SGF29: variants seen among roughly 807,000 people sequenced by gnomAD.
The protein encoded by SGF29 is SAGA complex associated factor 29.
In SGF29, 15 loss-of-function variants were observed where a neutral mutation model predicts 38.1. That is an observed-to-expected ratio of 0.39 (90% CI 0.26 to 0.61). SGF29 has a LOEUF of 0.61. Ranked by LOEUF, SGF29 falls within the 20% of genes least tolerant of loss-of-function variation. The pLI is 0.49. For missense variants in SGF29, 184 were observed against 394.6 expected (o/e 0.47, Z 4.52); for synonymous variants, 151 against 160.8 (o/e 0.94, Z 0.46).
intron 1 of SGF29, 84 bp from the exon 2 acceptor site, chr16:28,580,971 G>A: frequency 9.8e-7 from 1 of 1,017,836 alleles, no homozygotes; most frequent in South Asian, 1.4e-5. Context: ...TGAGCCTCCA[G>A]GCCTAATGTA....
intron 1 of SGF29, among the ~76,000 whole-genome samples, chr16:28,567,432 A>T (rs2046841556): frequency 6.6e-6 from 1 of 152,238 alleles, no homozygotes; most frequent in African/African-American, 2.4e-5. Context: ...TCTGTTGTTT[A>T]TACATTCCCT....
At position 28,583,443 on chromosome 16, in the gene SGF29, A is replaced by G. The variant is rs76244300; in HGVS notation, c.76-1470A>G. On this transcript the variant is annotated intron_variant, in intron 2 of 9. Transcript: ENST00000317058. The stretch of plus-strand genomic sequence containing the variant: ...GGGTGGGGTTACACAGGTATGGACT[A>G]TTGGCTGTCTTGAGCACTAGGCAGC... Among the ~76,000 whole-genome samples, 667 of 152,282 alleles carry G rather than the reference A, an allele frequency of 4.4e-3. 7 individuals are homozygous for G. Among genetic ancestry groups the G allele is most frequent in the African/African-American group, 0.015 (625 of 41,556 alleles).
At chr16:28,583,790 C>T (rs545048127) in intron 2 of SGF29, among the ~76,000 whole-genome samples, 87 of 152,110 alleles carry the variant, frequency 5.7e-4, no homozygotes, top group Non-Finnish European at 1.0e-3. Context: ...ACCGTAGCTT[C>T]GTAATAAATT....
At chr16:28,586,177 G>A (rs2046955144) in intron 4 of SGF29, among the ~76,000 whole-genome samples, 1 of 152,206 alleles carries the variant, frequency 6.6e-6, no homozygotes, top group South Asian at 2.1e-4. Flanking sequence ...AAGCTTGGCT[G>A]GGAAGTCATA....
chr16:28,556,000 T>A (rs550540479), intron 1 of SGF29, among the ~76,000 whole-genome samples: 1 of 152,292 alleles, frequency 6.6e-6, no homozygotes, highest in South Asian at 2.1e-4. Context: ...TAGCATAACC[T>A]ATCTGAATTT....
At chr16:28,585,522 G>C in intron 3 of SGF29, 126 bp from the exon 4 acceptor site, 1 of 847,396 alleles carries the variant, frequency 1.2e-6, no homozygotes, top group East Asian at 2.6e-5. Flanking sequence ...TCCTGAGCCA[G>C]CAGAGCTCTG....
At chr16:28,566,975 A>T (rs2046839224) in intron 1 of SGF29, among the ~76,000 whole-genome samples, 1 of 152,110 alleles carries the variant, frequency 6.6e-6, no homozygotes, top group South Asian at 2.1e-4. Flanking sequence ...CCACCAGTTA[A>T]TTGGCTTTTA....
chr16:28,571,978 T>A (rs2046867596), intron 1 of SGF29, among the ~76,000 whole-genome samples: 1 of 152,196 alleles, frequency 6.6e-6, no homozygotes, highest in African/African-American at 2.4e-5. Flanking sequence ...CTTCTTTTTT[T>A]ATTTTTATTT....
intron 1 of SGF29, among the ~76,000 whole-genome samples, chr16:28,564,822 C>T (rs2046827106): frequency 7.0e-6 from 1 of 141,948 alleles, no homozygotes. Context: ...CACACACACA[C>T]ATATATATGA....
At chr16:28,570,514 A>G (rs2046858411) in intron 1 of SGF29, among the ~76,000 whole-genome samples, 1 of 152,004 alleles carries the variant, frequency 6.6e-6, no homozygotes, top group African/African-American at 2.4e-5. Flanking sequence ...AGTCTCACCC[A>G]TACCTGATTG....
intron 1 of SGF29, among the ~76,000 whole-genome samples, chr16:28,569,721 A>AG (rs1220676012): frequency 6.6e-6 from 1 of 152,186 alleles, no homozygotes; most frequent in Non-Finnish European, 1.5e-5. Context: ...TCCTTTGATA[A>AG]GGAGACTAGT....
intron 1 of SGF29, among the ~76,000 whole-genome samples, chr16:28,555,230 G>A (rs148852570): frequency 0.014 from 2,193 of 152,150 alleles, 21 homozygotes; most frequent in Non-Finnish European, 0.022. Context: ...TTGGGAGGCC[G>A]AGGTGGGCAG....
chr16:28,566,311 G>A (rs1392098733), intron 1 of SGF29, among the ~76,000 whole-genome samples: 1 of 151,762 alleles, frequency 6.6e-6, no homozygotes, highest in Non-Finnish European at 1.5e-5. Flanking sequence ...GAGGGTCTTA[G>A]GGGAACAGAA....
chr16:28,591,719 G>C lies in SGF29; in HGVS notation c.*13G>C, dbSNP rs748000173. On this transcript the variant is annotated 3_prime_UTR_variant, in exon 10 of 10. Transcript: ENST00000317058. Reference sequence around the variant, plus strand: ...CAAGAAAAAGTGATGCCGCCTGGCAGACTCGCCATCCCCCAACGACACAGG... The same window carrying C: ...CAAGAAAAAGTGATGCCGCCTGGCACACTCGCCATCCCCCAACGACACAGG... 6.3e-7 allele frequency: 1 copy of C among 1,584,880 alleles called. No homozygotes were observed. Among genetic ancestry groups the C allele is most frequent in the Non-Finnish European group, 8.7e-7 (1 of 1,153,548 alleles).
At chr16:28,586,560 G>GA (rs943793425) in intron 4 of SGF29, among the ~76,000 whole-genome samples, 4 of 151,508 alleles carry the variant, frequency 2.6e-5, no homozygotes, top group African/African-American at 9.7e-5. Flanking sequence ...CTGTTTCCTT[G>GA]AATCTCTGCA....
At chr16:28,564,696 T>TATATATATGTGTATATATAC (rs1567285920) in intron 1 of SGF29, among the ~76,000 whole-genome samples, 4 of 85,380 alleles carry the variant, frequency 4.7e-5, no homozygotes, top group African/African-American at 1.9e-4. Flanking sequence ...TGTATATATA[T>TATATATATGTGTATATATAC]GTATATATAT....
intron 1 of SGF29, among the ~76,000 whole-genome samples, chr16:28,556,751 C>T (rs1471058716): frequency 6.6e-6 from 1 of 152,112 alleles, no homozygotes; most frequent in Non-Finnish European, 1.5e-5. Flanking sequence ...TCAAGTGATC[C>T]TCCTGCCATA....
In SGF29 at chr16:28,591,552, G is replaced by A. The variant is rs2046991441; in HGVS notation, c.766-38G>A. The A allele has an allele frequency of 4.8e-6, 7 of 1,459,616 alleles. No homozygotes were observed. The East Asian group carries it at 1.4e-4, about 28-fold the overall frequency. 90.4% of individuals were successfully genotyped at this position (1,459,616 alleles called of 1,614,324 possible). On this transcript the variant is annotated intron_variant, in intron 9 of 9. Transcript: ENST00000317058. ...AAGGGGGTGCCTGTCCTGGCCTGGG[G>A]GTCTCTGAGCAGCCCCTCCTGTCTG...
chr16:28,554,690 T>G (rs1181001339), intron 1 of SGF29, among the ~76,000 whole-genome samples: 1 of 152,106 alleles, frequency 6.6e-6, no homozygotes, highest in Non-Finnish European at 1.5e-5. Flanking sequence ...CGGCTCCGGT[T>G]TGCAGCCAAA....
Sources: gnomAD v4.1 joint callset for allele counts (sites outside exome capture counted in the v4.1 genomes callset) on GRCh38, gnomAD v4.1.1 for gene constraint, MANE v1.5 for transcripts, NCBI Gene and HGNC (gene_info 2026-07-23, HGNC 2026-07-21) for gene names.